The following PCDHGA5 variants were observed in gnomAD, a reference collection of about 807,000 sequenced individuals.
The protein encoded by PCDHGA5 is protocadherin gamma-A5.
Under a neutral mutation model 56.7 loss-of-function variants are expected in PCDHGA5, and 36 were observed. The ratio of observed to expected loss-of-function variants is 0.64; its 90% CI spans 0.49 to 0.84. The LOEUF (loss-of-function observed/expected upper bound fraction) is 0.84. Ranked by LOEUF, PCDHGA5 falls within the 40% of genes least tolerant of loss-of-function variation. PCDHGA5 has a pLI of 0.00. For synonymous variants in PCDHGA5, 563 were observed against 520.2 expected, an observed-to-expected ratio of 1.08 and a Z score of -1.12; for missense variants, 1,305 against 1,201.5, an observed-to-expected ratio of 1.09 and a Z score of -1.27.
chr5:141,413,684 C>T, intron 1 of PCDHGA5: 1 of 1,613,838 alleles, frequency 6.2e-7, no homozygotes, highest in Non-Finnish European at 8.5e-7. Context: ...GGCGTGAACT[C>T]CCTGCAGAGC....
intron 1 of PCDHGA5, among the ~76,000 whole-genome samples, chr5:141,444,175 TTTTTTTTTTTTTTG>T (rs2098423325): frequency 7.6e-6 from 1 of 131,192 alleles, no homozygotes; most frequent in African/African-American, 3.0e-5. Flanking sequence ...TTTTTTTTTT[TTTTTTTTTTTTTTG>T]AGATGGAGTT....
intron 1 of PCDHGA5, among the ~76,000 whole-genome samples, chr5:141,452,019 C>T (rs1227308101): frequency 3.3e-5 from 5 of 152,194 alleles, no homozygotes; most frequent in African/African-American, 1.2e-4. Flanking sequence ...AGCCCACACT[C>T]TGGGGAGATG....
chr5:141,495,873 C>G (rs2099764359), intron 2 of PCDHGA5, among the ~76,000 whole-genome samples: 1 of 152,146 alleles, frequency 6.6e-6, no homozygotes, highest in Admixed American at 6.6e-5. Flanking sequence ...CTGCTTTCCT[C>G]TCTGTTCTTT....
intron 1 of PCDHGA5, chr5:141,393,960 G>A (rs2092885452): frequency 4.3e-6 from 7 of 1,613,944 alleles, no homozygotes; most frequent in Non-Finnish European, 5.1e-6. Context: ...TGGTCAAGTT[G>A]TCTGTTACAC....
intron 1 of PCDHGA5, among the ~76,000 whole-genome samples, chr5:141,479,837 G>A (rs563513895): frequency 3.9e-5 from 6 of 152,338 alleles, no homozygotes; most frequent in Non-Finnish European, 8.8e-5. Flanking sequence ...TGGTATCCAT[G>A]CAAGGTGACT....
At position 141,398,657 on chromosome 5, in the gene PCDHGA5, G is replaced by A. The variant is rs776950213; in HGVS notation, c.2421+31906G>A. 3.1e-6 allele frequency: 5 copies of A among 1,614,018 alleles called. No individual in the cohort carries two copies. In the South Asian group the frequency reaches 5.5e-5, roughly 18 times the overall value. On this transcript the variant is annotated intron_variant, in intron 1 of 3. Transcript: ENST00000518069. ...AAGTATAAACTCTCTCTTAACCCAA[G>A]TTTCTCATTAATAATTAAGGAGAAA...
chr5:141,384,769 G>C (rs778610936), intron 1 of PCDHGA5: 1 of 1,613,914 alleles, frequency 6.2e-7, no homozygotes, highest in Non-Finnish European at 8.5e-7. Context: ...GCTGTACACG[G>C]GCGAGGTGCG....
chr5:141,375,016 C>T (rs939863882), intron 1 of PCDHGA5: 3 of 1,613,992 alleles, frequency 1.9e-6, no homozygotes, highest in Non-Finnish European at 1.7e-6. Flanking sequence ...ACTATGAGGA[C>T]TCGAGTTTTT....
intron 1 of PCDHGA5, chr5:141,423,967 A>T (rs760284844): frequency 5.2e-6 from 6 of 1,153,616 alleles, no homozygotes; most frequent in Non-Finnish European, 6.5e-6. Context: ...TTTTTCTATT[A>T]TCAGTGTATG....
chr5:141,465,520 G>C (rs2099104807), intron 1 of PCDHGA5, among the ~76,000 whole-genome samples: 1 of 152,144 alleles, frequency 6.6e-6, no homozygotes, highest in Non-Finnish European at 1.5e-5. Flanking sequence ...GAAGGATTCT[G>C]GGGAAGTTTT....
intron 1 of PCDHGA5, chr5:141,373,807 T>G (rs760297070): frequency 2.9e-6 from 1 of 341,172 alleles, no homozygotes; most frequent in African/African-American, 2.1e-5. Context: ...CTCTGTGTGA[T>G]AGTTTCACAA....
In PCDHGA5 at chr5:141,366,325, C is replaced by G. The variant is rs1401034838; in HGVS notation, c.1995C>G (p.Ala665=). 6.2e-7 allele frequency: 1 copy of G among 1,613,826 alleles called. No individual in the cohort carries two copies. The highest frequency in any genetic ancestry group is 2.2e-5 in the East Asian group (1 of 44,888). The change falls in exon 1 of 4, where the codon GCC becomes GCG. Residue 665 remains alanine, a synonymous_variant. Transcript: ENST00000518069. ...CCTTCACGGTCACCGTTGCCGTGGCCGACAGGATCCCTGACATCCTGGCTG... is the reference window on the plus strand; with the variant it reads ...CCTTCACGGTCACCGTTGCCGTGGCGGACAGGATCCCTGACATCCTGGCTG... ...SATFTVTVAV[A]DRIPDILADL...
chr5:141,389,264 C>T, intron 1 of PCDHGA5: 1 of 1,614,018 alleles, frequency 6.2e-7, no homozygotes, highest in South Asian at 1.1e-5. Flanking sequence ...TCCACGTGGC[C>T]GAGAACAACC....
rs1223986597 is a variant in PCDHGA5, at chr5:141,417,300, A to G, written c.2421+50549A>G. The G allele has an allele frequency of 2.0e-5, 3 of 152,440 alleles. No homozygotes were observed. In the East Asian group the frequency reaches 5.8e-4, roughly 29 times the overall value. The allele number at this position is 152,440 out of a possible 1,614,324, so 9.4% of individuals were successfully genotyped here. ...AAGGAACAAGAATGACTGCCTCTGG[A>G]TGGAGGAATTGGATAGCAATGGGCC... On this transcript the variant is annotated intron_variant, in intron 1 of 3. Coordinates refer to ENST00000518069, the MANE Select transcript of PCDHGA5 (RefSeq NM_018918.3).
In PCDHGA5 at chr5:141,407,971, G is replaced by C. The variant is rs1399304138; in HGVS notation, c.2421+41220G>C. The C allele has an allele frequency of 7.0e-5, 50 of 717,762 alleles. No homozygotes were observed. In the South Asian group the frequency reaches 1.2e-3, roughly 17 times the overall value. 44.5% of individuals were successfully genotyped at this position (717,762 alleles called of 1,614,324 possible). On this transcript the variant is annotated intron_variant, in intron 1 of 3. Coordinates refer to ENST00000518069, the MANE Select transcript of PCDHGA5 (RefSeq NM_018918.3). The stretch of plus-strand genomic sequence containing the variant: ...CGGCCAGTGCAGAGCAAGCGCTGAC[G>C]CCGGGGATCCGTCAGCCTCTGGCCT...
intron 1 of PCDHGA5, chr5:141,411,955 A>C (rs1427605209): frequency 6.6e-5 from 10 of 152,244 alleles, no homozygotes; most frequent in African/African-American, 1.2e-4. Context: ...TTTGAAGAAA[A>C]AAGATAAAAT....
intron 1 of PCDHGA5, chr5:141,419,208 C>T: frequency 6.2e-7 from 1 of 1,613,966 alleles, no homozygotes; most frequent in Non-Finnish European, 8.5e-7. Flanking sequence ...GACAACGCGC[C>T]GGTTTTCGGA....
At chr5:141,413,990 A>G (rs1179968710) in intron 1 of PCDHGA5, 6 of 1,613,434 alleles carry the variant, frequency 3.7e-6, no homozygotes, top group Admixed American at 1.7e-5. Context: ...ACAGCCACCG[A>G]CAGGGACGAA....
At chr5:141,444,659 C>G (rs2098443878) in intron 1 of PCDHGA5, among the ~76,000 whole-genome samples, 1 of 152,032 alleles carries the variant, frequency 6.6e-6, no homozygotes, top group African/African-American at 2.4e-5. Context: ...GAAGTTATTT[C>G]CCATTTTTTT....
Sources: gnomAD v4.1 joint callset for allele counts (sites outside exome capture counted in the v4.1 genomes callset) on GRCh38, gnomAD v4.1.1 for gene constraint, MANE v1.5 for transcripts, NCBI Gene and HGNC (gene_info 2026-07-23, HGNC 2026-07-21) for gene names.